The following VIPAS39 variants were observed in gnomAD, a reference collection of about 807,000 sequenced individuals.
VIPAS39 encodes the protein VPS33B interacting protein, apical-basolateral polarity regulator, spe-39 homolog, also known as spermatogenesis-defective protein 39 homolog.
VIPAS39 carries 63 observed loss-of-function variants against 84.7 expected under a neutral mutation model. That is an observed-to-expected ratio of 0.74 (90% CI 0.61 to 0.92). VIPAS39 has a LOEUF of 0.92. Among genes scored for constraint, VIPAS39 ranks in the 40% least tolerant of loss-of-function variants. VIPAS39 has a pLI of 0.00. For synonymous variants in VIPAS39, 192 were observed against 216.5 expected, an observed-to-expected ratio of 0.89 and a Z score of 0.99; for missense variants, 499 against 604.5, an observed-to-expected ratio of 0.83 and a Z score of 1.83.
In VIPAS39 at chr14:77,449,696, A is replaced by G; in HGVS notation, c.382+18T>C. On this transcript the variant is annotated intron_variant, in intron 5 of 19. Coordinates refer to ENST00000557658, the MANE Select transcript of VIPAS39 (RefSeq NM_001193315.2). ...AGTAACATTTCCCACAGCAATTAAA[A>G]GAGGGTTCAATGCCTACCATCAGAA... The G allele has an allele frequency of 6.2e-7, 1 of 1,614,158 alleles. No homozygotes were observed. Among genetic ancestry groups the G allele is most frequent in the South Asian group, 1.1e-5 (1 of 91,086 alleles).
At chr14:77,454,170 G>C in intron 1 of VIPAS39, 68 bp from the exon 2 acceptor site, 2 of 1,444,210 alleles carry the variant, frequency 1.4e-6, no homozygotes, top group Non-Finnish European at 1.9e-6. Flanking sequence ...AAAAGCTTTA[G>C]TTTCCTGCAC....
intron 13 of VIPAS39, 57 bp from the exon 14 acceptor site, chr14:77,435,450 C>G (rs2078595424): frequency 6.3e-7 from 1 of 1,593,824 alleles, no homozygotes; most frequent in Non-Finnish European, 8.5e-7. Flanking sequence ...GGAGTAGAGG[C>G]AGGAGAAAAA....
chr14:77,441,526 T>A (rs1456243865), intron 10 of VIPAS39, among the ~76,000 whole-genome samples: 1 of 152,218 alleles, frequency 6.6e-6, no homozygotes, highest in Admixed American at 6.5e-5. Flanking sequence ...CTTCTGATTC[T>A]TCTTTACTCT....
intron 3 of VIPAS39, among the ~76,000 whole-genome samples, chr14:77,452,779 C>CAAAAAAA (rs11418833): frequency 1.7e-4 from 18 of 106,736 alleles, no homozygotes; most frequent in Non-Finnish European, 2.0e-4. Context: ...GACTCCATCT[C>CAAAAAAA]AAAAAAAAAA....
Position 77,428,590 on chromosome 14 carries a change from G to A in VIPAS39, c.1357-116C>T, listed in dbSNP as rs1594889460. ...CAATCCTCTCTCCTTAGGCTCCTGA[G>A]TAGCTGGAACTACTGGTGTGTGCTA... is the stretch of plus-strand genomic sequence containing the variant. On this transcript the variant is annotated intron_variant, in intron 18 of 19. Transcript: ENST00000557658. 10 of 839,872 alleles carry A rather than the reference G, an allele frequency of 1.2e-5. No individual in the cohort carries two copies. In the East Asian group the frequency reaches 2.4e-4, roughly 20 times the overall value. 52.0% of individuals were successfully genotyped at this position (839,872 alleles called of 1,614,324 possible).
intron 2 of VIPAS39, 23 bp from the exon 3 acceptor site, chr14:77,453,424 G>C: frequency 6.2e-7 from 1 of 1,608,600 alleles, no homozygotes; most frequent in Non-Finnish European, 8.5e-7. Context: ...ACAAGGCTAG[G>C]GTGCTCAGGC....
chr14:77,444,739 A>AT (rs942078328), intron 7 of VIPAS39, among the ~76,000 whole-genome samples: 19 of 150,360 alleles, frequency 1.3e-4, no homozygotes, highest in African/African-American at 2.2e-4. Flanking sequence ...TGCCCGGCTA[A>AT]TTTTTTTTTA....
chr14:77,428,952 C>G, intron 18 of VIPAS39, 54 bp downstream of exon 18: 1 of 1,487,322 alleles, frequency 6.7e-7, no homozygotes, highest in Non-Finnish European at 9.4e-7. Flanking sequence ...ATAATCCCCA[C>G]CCTGCTTCGC....
chr14:77,427,658 A>T, intron 19 of VIPAS39, 22 bp from the exon 20 acceptor site: 1 of 1,614,182 alleles, frequency 6.2e-7, no homozygotes, highest in Non-Finnish European at 8.5e-7. Flanking sequence ...GGAAACAATG[A>T]AAGTGTGTGA....
At chr14:77,451,877 C>T (rs1362044562) in intron 3 of VIPAS39, among the ~76,000 whole-genome samples, 1 of 152,210 alleles carries the variant, frequency 6.6e-6, no homozygotes, top group East Asian at 1.9e-4. Context: ...GAACCCTCCT[C>T]CATTGCTGGT....
chr14:77,453,395 C>CAAAG lies in VIPAS39; in HGVS notation c.99_100insCTTT (p.Glu34LeufsTer2). On this transcript the variant is annotated frameshift_variant, in exon 3 of 20. Transcript: ENST00000557658. LOFTEE classifies it high-confidence loss of function. ...AGGCTGTTCACCGCCCGCTTGGACT[C>CAAAG]CTTTAACTGCAGAGGGACACAAGGC... 1 of 1,614,084 alleles carries CAAAG rather than the reference C, an allele frequency of 6.2e-7. No homozygotes were observed. The highest frequency in any genetic ancestry group is 2.2e-5 in the East Asian group (1 of 44,878).
chr14:77,432,393 A>T (rs1459773917), intron 16 of VIPAS39, among the ~76,000 whole-genome samples: 1 of 152,210 alleles, frequency 6.6e-6, no homozygotes, highest in Admixed American at 6.5e-5. Context: ...CAGAACTACT[A>T]TATGATCCAG....
chr14:77,444,341 C>G lies in VIPAS39; in HGVS notation c.505G>C (p.Val169Leu). The G allele has an allele frequency of 6.2e-7, 1 of 1,612,782 alleles. No individual in the cohort carries two copies. The highest frequency in any genetic ancestry group is 1.1e-5 in the South Asian group (1 of 91,060). Residue 169 changes from valine to leucine, a missense_variant and splice_region_variant, in exon 8 of 20, where the codon GTT becomes CTT. Val to Leu is a conservative substitution (Grantham distance 32). Transcript: ENST00000557658. Reference sequence around the variant, plus strand: ...GAGCGGAATCTCTCTAGTGAGCAAACCTGGCAGAATAACACTAGAATTAGT... The same window carrying G: ...GAGCGGAATCTCTCTAGTGAGCAAAGCTGGCAGAATAACACTAGAATTAGT... ...DTVRRLRKGK[V>L]CSLERFRSLQ...
intron 4 of VIPAS39, among the ~76,000 whole-genome samples, chr14:77,450,379 C>T (rs1003415628): frequency 6.6e-6 from 1 of 152,192 alleles, no homozygotes. Flanking sequence ...CATCAATGGA[C>T]ATTTGGGTTG....
At chr14:77,429,387 G>A (rs2078483529) in intron 17 of VIPAS39, among the ~76,000 whole-genome samples, 1 of 152,194 alleles carries the variant, frequency 6.6e-6, no homozygotes, top group Non-Finnish European at 1.5e-5. Context: ...ATTTCTCCCT[G>A]ATGTCTTTTC....
At chr14:77,447,590 C>A (rs901510394) in intron 7 of VIPAS39, among the ~76,000 whole-genome samples, 1 of 152,196 alleles carries the variant, frequency 6.6e-6, no homozygotes, top group African/African-American at 2.4e-5. Flanking sequence ...TAAACTCAAA[C>A]CCTTACATCA....
chr14:77,428,304 T>G, intron 19 of VIPAS39, 66 bp downstream of exon 19: 5 of 1,411,042 alleles, frequency 3.5e-6, no homozygotes, highest in Non-Finnish European at 5.0e-6. Flanking sequence ...GGAACATACA[T>G]TTGGTACTAT....
intron 1 of VIPAS39, 152 bp from the exon 2 acceptor site, chr14:77,454,254 C>A: frequency 1.4e-6 from 1 of 729,954 alleles, no homozygotes; most frequent in South Asian, 1.5e-5. Context: ...CCATATAAAA[C>A]CAGATTCTTG....
intron 7 of VIPAS39, among the ~76,000 whole-genome samples, chr14:77,447,213 CG>C (rs2078805285): frequency 6.6e-6 from 1 of 151,842 alleles, no homozygotes; most frequent in South Asian, 2.1e-4. Flanking sequence ...TTAGTAGAGA[CG>C]GGGTTTCTCC....
Sources: allele counts gnomAD v4.1 joint callset (sites outside exome capture counted in the v4.1 genomes callset), GRCh38; gene constraint gnomAD v4.1.1; transcripts MANE v1.5; gene names NCBI Gene and HGNC (gene_info 2026-07-23, HGNC 2026-07-21).